Variants in PEX1 observed in about 807,000 individuals in gnomAD.
The protein encoded by PEX1 is peroxisomal ATPase PEX1.
PEX1 carries 97 observed loss-of-function variants against 152.5 expected under a neutral mutation model. That is an observed-to-expected ratio of 0.64 (90% CI 0.54 to 0.75). The LOEUF is 0.75. Ranked by LOEUF, PEX1 falls within the 30% of genes least tolerant of loss-of-function variation. The probability of loss-of-function intolerance (pLI) is 0.00; values close to 1 mark genes in which losing one functional copy is unlikely to be tolerated. For missense variants in PEX1, 1,357 were observed against 1,516.3 expected (o/e 0.89, Z 1.74); for synonymous variants, 485 against 531.6 (o/e 0.91, Z 1.21).
At chr7:92,518,834 T>A (rs1394394417) in intron 3 of PEX1, 161 bp downstream of exon 3, 2 of 648,984 alleles carry the variant, frequency 3.1e-6, no homozygotes, top group Admixed American at 2.3e-5. Flanking sequence ...CCTCCCAAAG[T>A]GCTGGGACTA....
Position 92,511,638 on chromosome 7 carries a change from G to T in PEX1, c.1425C>A (p.Thr475=). 1.2e-6 allele frequency: 2 copies of T among 1,609,846 alleles called. No individual in the cohort carries two copies. The highest frequency in any genetic ancestry group is 1.7e-6 in the Non-Finnish European group (2 of 1,176,462). ...CTGATATTACCAAAGGAAGCATGGTGGTAGTAGACTGCTGTAGCCATGAAT... is the reference window on the plus strand; with the variant it reads ...CTGATATTACCAAAGGAAGCATGGTTGTAGTAGACTGCTGTAGCCATGAAT... ...VFYSWLQQST[T]TMLPLVISEE... Residue 475 remains threonine (T), a synonymous_variant, in exon 7 of 24, where the codon ACC becomes ACA. Transcript: ENST00000248633.
chr7:92,490,782 CTAG>C lies in PEX1; in HGVS notation c.3438+487_3438+489del, dbSNP rs1201475240. Among the ~76,000 whole-genome samples the C allele has an allele frequency of 9.9e-5, 15 of 152,190 alleles. No individual in the cohort carries two copies. The South Asian group carries it at 3.1e-3, about 32-fold the overall frequency. On this transcript the variant is annotated intron_variant, in intron 21 of 23. Transcript: ENST00000248633. Reference sequence around the variant, plus strand: ...TAATTTTTAGAAGAGATGTTGAATGCTAGTAGAACAGTGATACTGCCCACATTT... The same window carrying C: ...TAATTTTTAGAAGAGATGTTGAATGCTAGAACAGTGATACTGCCCACATTT...
chr7:92,490,073 A>G, intron 21 of PEX1, 162 bp from the exon 22 acceptor site: 1 of 670,064 alleles, frequency 1.5e-6, no homozygotes, highest in East Asian at 2.7e-5. Flanking sequence ...AAAGTTGTTC[A>G]TCTTTTATAA....
At position 92,507,041 on chromosome 7, in the gene PEX1, G is replaced by C; in HGVS notation, c.1756C>G (p.Leu586Val). 1.2e-6 allele frequency: 2 copies of C among 1,614,098 alleles called. No homozygotes were observed. Among genetic ancestry groups the C allele is most frequent in the Non-Finnish European group, 1.7e-6 (2 of 1,179,998 alleles). ...GRPLSRQLMSLVAGLRNGALL... is the reference protein window; with the variant it reads ...GRPLSRQLMSVVAGLRNGALL... ...GCTCCATTCCTAAGTCCTGCAACAAGAGACATCAGCTGCCGAGACAAAGGG... is the reference window on the plus strand; with the variant it reads ...GCTCCATTCCTAAGTCCTGCAACAACAGACATCAGCTGCCGAGACAAAGGG... The change falls in exon 10 of 24, where the codon CTT (leucine) becomes GTT (valine). Residue 586 changes from leucine to valine, a missense_variant. Physicochemically the swap from Leu to Val is conservative, Grantham distance 32 (BLOSUM62 1). Transcript: ENST00000248633.
chr7:92,509,146 AGAC>A (rs1332678184), intron 9 of PEX1, among the ~76,000 whole-genome samples, 180 bp downstream of exon 9: 2 of 151,764 alleles, frequency 1.3e-5, no homozygotes, highest in Non-Finnish European at 2.9e-5. Context: ...AAAAAAAAAA[AGAC>A]GACAAGGCAA....
intron 2 of PEX1, 55 bp from the exon 3 acceptor site, chr7:92,519,133 A>T: frequency 1.0e-6 from 1 of 958,736 alleles, no homozygotes. Context: ...TGTGTCATAT[A>T]TTAGAAAATA....
chr7:92,513,790 T>G, intron 6 of PEX1, 58 bp downstream of exon 6: 1 of 1,313,652 alleles, frequency 7.6e-7, no homozygotes, highest in Admixed American at 1.7e-5. Flanking sequence ...CTAAAGCAAC[T>G]AGAAATCTTA....
chr7:92,522,365 T>G, intron 1 of PEX1, 120 bp from the exon 2 acceptor site: 1 of 930,694 alleles, frequency 1.1e-6, no homozygotes, highest in Non-Finnish European at 1.6e-6. Flanking sequence ...TAGTTCTCTG[T>G]TATCTACATT....
At position 92,504,849 on chromosome 7, in the gene PEX1, C is replaced by T. The variant is rs559310827; in HGVS notation, c.1954G>A (p.Val652Met). ...KTLEVAFSEA[V>M]WMQPSVVLLD... ...AGGACAACAGATGGCTGCATCCACACTGCCTCTGAGAAAGCCACCTCTAGG... is the reference window on the plus strand; with the variant it reads ...AGGACAACAGATGGCTGCATCCACATTGCCTCTGAGAAAGCCACCTCTAGG... The change falls in exon 12 of 24, where the codon GTG becomes ATG. Residue 652 changes from valine (V) to methionine (M), a missense_variant. Coordinates refer to ENST00000248633, the MANE Select transcript of PEX1 (RefSeq NM_000466.3). 1 of 1,614,000 alleles carries T rather than the reference C, an allele frequency of 6.2e-7. No homozygotes were observed. Among genetic ancestry groups the T allele is most frequent in the South Asian group, 1.1e-5 (1 of 91,084 alleles).
chr7:92,509,336 A>G lies in PEX1; in HGVS notation c.1663T>C (p.Ser555Pro), dbSNP rs773827098. ...DFILPFLKLS[S>P]LGGVNSLGVS... The stretch of plus-strand genomic sequence containing the variant: ...TTGGCCATAACTTCTTACCCCAAAG[A>G]GCTCAGCTTTAAAAAAGGAAGAATA... The change falls in exon 9 of 24, where the codon TCT (serine) becomes CCT (proline). Residue 555 changes from serine to proline, a missense_variant. Physicochemically the swap from Ser to Pro is moderately conservative, Grantham distance 74 (BLOSUM62 -1). Transcript: ENST00000248633. The G allele has an allele frequency of 2.7e-5, 44 of 1,610,446 alleles. No homozygotes were observed. Among genetic ancestry groups the G allele is most frequent in the Non-Finnish European group, 3.6e-5 (42 of 1,177,016 alleles).
In PEX1 at chr7:92,517,664, T is replaced by C. The variant is rs745421141; in HGVS notation, c.851A>G (p.Asp284Gly). Residue 284 changes from aspartate to glycine, a missense_variant, in exon 5 of 24, where the codon GAC (aspartate) becomes GGC (glycine). By Grantham distance (94) the Asp-to-Gly change is moderately conservative. Transcript: ENST00000248633. ...KNMQSKVVPL[D>G]NIFRVCKSQP... The stretch of plus-strand genomic sequence containing the variant: ...AGATTTGCATACTCTGAAAATATTG[T>C]CTAGAGGAACAACCTTTGACTGCAT... 1 of 1,613,888 alleles carries C rather than the reference T, an allele frequency of 6.2e-7. No individual in the cohort carries two copies. Among genetic ancestry groups the C allele is most frequent in the South Asian group, 1.1e-5 (1 of 91,088 alleles).
chr7:92,488,366 TACA>T (rs1256087167), intron 23 of PEX1, among the ~76,000 whole-genome samples: 2 of 152,208 alleles, frequency 1.3e-5, no homozygotes, highest in African/African-American at 4.8e-5. Context: ...TACACATACA[TACA>T]TACTTCAAAG....
rs369877998 is a variant in PEX1, at chr7:92,494,479, A to G, written c.2926+8T>C. ...ATAACATTCTATTTCTGTATTTATA[A>G]TTATTACCCTGTAAGCCTTCTACTC... On this transcript the variant is annotated splice_region_variant and intron_variant, in intron 18 of 23. Coordinates refer to ENST00000248633, the MANE Select transcript of PEX1 (RefSeq NM_000466.3). 1.4e-4 allele frequency: 223 copies of G among 1,613,250 alleles called. No individual in the cohort carries two copies. The African/African-American group carries it at 2.7e-3, about 20-fold the overall frequency.
chr7:92,508,352 C>T (rs1792297667), intron 9 of PEX1, among the ~76,000 whole-genome samples: 1 of 152,054 alleles, frequency 6.6e-6, no homozygotes, highest in Non-Finnish European at 1.5e-5. Flanking sequence ...GCCTGGCCAA[C>T]ATGGTGAAAC....
chr7:92,494,186 G>C, intron 19 of PEX1, 107 bp downstream of exon 19: 1 of 834,978 alleles, frequency 1.2e-6, no homozygotes, highest in Non-Finnish European at 2.0e-6. Context: ...TTTTCCCTAA[G>C]AAAGCTGGTC....
chr7:92,507,335 C>G (rs1792245587), intron 9 of PEX1: 1 of 477,294 alleles, frequency 2.1e-6, no homozygotes, highest in East Asian at 3.9e-5. Flanking sequence ...AACGCCCTGG[C>G]AAAGGTGATC....
rs1793415790 is a variant in PEX1 at position 92,528,505 on chromosome 7, G to A, written c.-70C>T. 3 of 1,487,752 alleles carry A rather than the reference G, an allele frequency of 2.0e-6. No homozygotes were observed. Among genetic ancestry groups the A allele is most frequent in the African/African-American group, 1.4e-5 (1 of 71,564 alleles). 92.2% of individuals were successfully genotyped at this position (1,487,752 alleles called of 1,614,324 possible). On this transcript the variant is annotated 5_prime_UTR_variant, in exon 1 of 24. Coordinates refer to ENST00000248633, the MANE Select transcript of PEX1 (RefSeq NM_000466.3). ...AGGACCCGGGACCCGGCAGGCCGAG[G>A]ACGTCGGAGCCGGAGGAGATCGATC...
At position 92,489,897 on chromosome 7, in the gene PEX1, G is replaced by C; in HGVS notation, c.3453C>G (p.Leu1151=). ...CCTGAGTCATGGAGCTTGGTGCAGA[G>C]AGACATTGTGAGCTCTGCATGGTAA... The part of the protein sequence containing the change: ...GTSSDLSSQC[L]SAPSSMTQDL... Residue 1151 remains leucine, a synonymous_variant, in exon 22 of 24, where the codon CTC becomes CTG. Transcript: ENST00000248633. The C allele has an allele frequency of 6.2e-7, 1 of 1,613,832 alleles. No homozygotes were observed. Among genetic ancestry groups the C allele is most frequent in the Non-Finnish European group, 8.5e-7 (1 of 1,179,788 alleles).
intron 20 of PEX1, among the ~76,000 whole-genome samples, chr7:92,491,865 A>G (rs1373449850): frequency 6.6e-6 from 1 of 152,142 alleles, no homozygotes; most frequent in African/African-American, 2.4e-5. Context: ...AGAGCTCTAC[A>G]AATACACACC....
Sources: gnomAD v4.1 joint callset for allele counts (sites outside exome capture counted in the v4.1 genomes callset) on GRCh38, gnomAD v4.1.1 for gene constraint, MANE v1.5 for transcripts, NCBI Gene and HGNC (gene_info 2026-07-23, HGNC 2026-07-21) for gene names.